The following TRPM6 variants were observed in gnomAD, a reference collection of about 807,000 sequenced individuals.
TRPM6 encodes the protein transient receptor potential cation channel subfamily M member 6.
In TRPM6, 111 loss-of-function variants were observed where a neutral mutation model predicts 247.6. That is an observed-to-expected ratio of 0.45 (90% CI 0.38 to 0.52). TRPM6 has a LOEUF of 0.52. Among genes scored for constraint, TRPM6 ranks in the 20% least tolerant of loss-of-function variants. TRPM6 has a pLI of 0.00. For synonymous variants in TRPM6, 892 were observed against 853.8 expected, an observed-to-expected ratio of 1.04 and a Z score of -0.78; for missense variants, 2,126 against 2,421.5, an observed-to-expected ratio of 0.88 and a Z score of 2.56.
chr9:74,806,907 G>C (rs952300985), intron 14 of TRPM6, among the ~76,000 whole-genome samples: 1 of 152,168 alleles, frequency 6.6e-6, no homozygotes, highest in Non-Finnish European at 1.5e-5. Context: ...CGTACTGGCA[G>C]GCCATTTAAA....
At position 74,724,624 on chromosome 9, in the gene TRPM6, T is replaced by A; in HGVS notation, c.6058A>T (p.Met2020Leu). The A allele has an allele frequency of 2.5e-6, 4 of 1,614,178 alleles. No homozygotes were observed. The highest frequency in any genetic ancestry group is 3.4e-6 in the Non-Finnish European group (4 of 1,180,018). ...TTGCTCCTCCCTTTTTATAGTTGCATATCATCTTCTGGGGAATTTCTACCC... is the reference window on the plus strand; with the variant it reads ...TTGCTCCTCCCTTTTTATAGTTGCAAATCATCTTCTGGGGAATTTCTACCC... Reference protein sequence around the residue: ...ETGRNSPEDDMQL With the variant: ...ETGRNSPEDDLQL The change falls in exon 39 of 39, where the codon ATG becomes TTG. Residue 2020 changes from methionine (M) to leucine (L), a missense_variant. Coordinates refer to ENST00000360774, the MANE Select transcript of TRPM6 (RefSeq NM_017662.5).
chr9:74,848,303 G>A (rs1287782783), intron 3 of TRPM6, among the ~76,000 whole-genome samples: 2 of 152,122 alleles, frequency 1.3e-5, no homozygotes, highest in Admixed American at 1.3e-4. Flanking sequence ...AGGGTTACTT[G>A]GATTCAAGTA....
chr9:74,791,449 A>G (rs1827892597), intron 19 of TRPM6, among the ~76,000 whole-genome samples: 1 of 152,180 alleles, frequency 6.6e-6, no homozygotes, highest in African/African-American at 2.4e-5. Context: ...AATAAATGCT[A>G]TGGGAGCACA....
intron 20 of TRPM6, among the ~76,000 whole-genome samples, chr9:74,787,937 G>C (rs575518220): frequency 6.6e-6 from 1 of 151,906 alleles, no homozygotes; most frequent in Non-Finnish European, 1.5e-5. Flanking sequence ...AGATGGTCTC[G>C]ATCTCCTGAC....
chr9:74,887,616 A>G (rs1831579590), intron 1 of TRPM6: 3 of 1,541,930 alleles, frequency 1.9e-6, no homozygotes, highest in Admixed American at 1.9e-5. Flanking sequence ...CCTGCCCTGT[A>G]GTAGCGTACA....
intron 3 of TRPM6, among the ~76,000 whole-genome samples, chr9:74,845,212 G>A (rs944164870): frequency 6.6e-6 from 1 of 152,128 alleles, no homozygotes; most frequent in Non-Finnish European, 1.5e-5. Context: ...TGGAAAAATG[G>A]CACTGACAGA....
intron 5 of TRPM6, among the ~76,000 whole-genome samples, chr9:74,839,441 AAG>A (rs1197174287): frequency 2.0e-5 from 3 of 152,106 alleles, no homozygotes; most frequent in African/African-American, 7.2e-5. Context: ...GTTAAAAAAA[AAG>A]TATCTACTCA....
chr9:74,827,852 A>C lies in TRPM6; in HGVS notation c.767T>G (p.Val256Gly), dbSNP rs751715330. 1 of 1,614,038 alleles carries C rather than the reference A, an allele frequency of 6.2e-7. No individual in the cohort carries two copies. The highest frequency in any genetic ancestry group is 1.1e-5 in the South Asian group (1 of 91,066). ...SHFILSDDGT[V>G]GKYGNEMKLR... ...CTTCATTTCATTTCCATACTTGCCC[A>C]CGGTCCCATCATCAGACAGGATGAA... The change falls in exon 7 of 39, where the codon GTG becomes GGG. Residue 256 changes from valine (V) to glycine (G), a missense_variant. Around this residue, in one of 3 missense-constraint regions of TRPM6, gnomAD observed 1,082 missense variants for 1,307.9 expected, o/e 0.83. Transcript: ENST00000360774.
Position 74,812,328 on chromosome 9 carries a change from T to C in TRPM6, c.1414A>G (p.Ile472Val). 6.2e-7 allele frequency: 1 copy of C among 1,613,808 alleles called. No individual in the cohort carries two copies. Among genetic ancestry groups the C allele is most frequent in the Non-Finnish European group, 8.5e-7 (1 of 1,179,866 alleles). ...TTGTAGAGCTCTTCCAGTCGAGGGA[T>C]GGTAAGAAAGCGATGGAGGTTCACT... ...YGVNLHRFLT[I>V]PRLEELYNTK... Residue 472 changes from isoleucine to valine, a missense_variant, in exon 12 of 39, where the codon ATC (isoleucine) becomes GTC (valine). Coordinates refer to ENST00000360774, the MANE Select transcript of TRPM6 (RefSeq NM_017662.5).
Position 74,855,542 on chromosome 9 carries a change from C to T in TRPM6, c.137G>A (p.Cys46Tyr), listed in dbSNP as rs1363131111. The T allele has an allele frequency of 4.4e-6, 7 of 1,608,678 alleles. No homozygotes were observed. The highest frequency in any genetic ancestry group is 6.0e-6 in the Non-Finnish European group (7 of 1,175,430). Residue 46 changes from cysteine to tyrosine, a missense_variant, in exon 3 of 39, where the codon TGC becomes TAC. Physicochemically the swap from Cys to Tyr is radical, Grantham distance 194. Transcript: ENST00000360774. ...TAAGTCTTACCTGATTAAATTCTGG[C>T]AGACTTGGCATACTGGAGTACATCT... Reference protein sequence around the residue: ...PHRCTPVCQVCQNLIRCYCGR... With the variant: ...PHRCTPVCQVYQNLIRCYCGR...
intron 1 of TRPM6, among the ~76,000 whole-genome samples, chr9:74,881,150 GA>G (rs1228052499): frequency 2.0e-5 from 3 of 151,050 alleles, no homozygotes; most frequent in Non-Finnish European, 4.4e-5. Flanking sequence ...TTTTTTAATT[GA>G]AAAAAAAGAC....
chr9:74,883,150 A>G (rs1032927756), intron 1 of TRPM6, among the ~76,000 whole-genome samples: 6 of 152,140 alleles, frequency 3.9e-5, no homozygotes, highest in African/African-American at 1.4e-4. Flanking sequence ...ACTTAGCATT[A>G]TGTCCTCAAG....
intron 25 of TRPM6, among the ~76,000 whole-genome samples, chr9:74,763,464 C>G (rs576407559): frequency 3.3e-5 from 5 of 152,278 alleles, no homozygotes; most frequent in Non-Finnish European, 7.4e-5. Flanking sequence ...CATTTTTACT[C>G]ATTAATATAT....
chr9:74,825,485 A>G (rs62569707), intron 7 of TRPM6, among the ~76,000 whole-genome samples: 14 of 137,130 alleles, frequency 1.0e-4, no homozygotes, highest in South Asian at 4.7e-4. Flanking sequence ...GTGTGTGTGT[A>G]TGTGTGTGTG....
At position 74,755,432 on chromosome 9, in the gene TRPM6, ATTC is replaced by A; in HGVS notation, c.4824_4826del (p.Leu1608_Asn1609delinsPhe). ...AGATGCTGTTTTCTCCTGGCTCTGG[ATTC>A]AACTGGTCACTCTGAGAGCAGGCAT... On this transcript the variant is annotated inframe_deletion, in exon 28 of 39. Coordinates refer to ENST00000360774, the MANE Select transcript of TRPM6 (RefSeq NM_017662.5). 6.2e-7 allele frequency: 1 copy of A among 1,614,120 alleles called. No individual in the cohort carries two copies. Among genetic ancestry groups the A allele is most frequent in the African/African-American group, 1.3e-5 (1 of 75,040 alleles).
chr9:74,812,024 A>T (rs1027029742), intron 12 of TRPM6, among the ~76,000 whole-genome samples: 1 of 152,190 alleles, frequency 6.6e-6, no homozygotes, highest in Admixed American at 6.5e-5. Flanking sequence ...GGTCATGATA[A>T]ATGATTGCAT....
chr9:74,779,510 T>C (rs79846196), intron 23 of TRPM6, among the ~76,000 whole-genome samples: 85 of 152,282 alleles, frequency 5.6e-4, no homozygotes, highest in Non-Finnish European at 1.1e-3. Context: ...TCTCAACCCC[T>C]GTCTTCCCTA....
At chr9:74,880,535 A>C (rs1831328795) in intron 1 of TRPM6, among the ~76,000 whole-genome samples, 1 of 151,914 alleles carries the variant, frequency 6.6e-6, no homozygotes, top group East Asian at 1.9e-4. Flanking sequence ...GCAATGATAT[A>C]TTCAAAATAC....
At chr9:74,790,431 T>C (rs1827861764) in intron 19 of TRPM6, among the ~76,000 whole-genome samples, 1 of 152,224 alleles carries the variant, frequency 6.6e-6, no homozygotes, top group Non-Finnish European at 1.5e-5. Flanking sequence ...GTTAGACAAT[T>C]TACTCCTTAA....
Sources: allele counts gnomAD v4.1 joint callset (sites outside exome capture counted in the v4.1 genomes callset), GRCh38; gene constraint gnomAD v4.1.1; regional missense constraint gnomAD v4.1.1; transcripts MANE v1.5; gene names NCBI Gene and HGNC (gene_info 2026-07-23, HGNC 2026-07-21).